The following VPS13D variants were observed in gnomAD, a reference collection of about 807,000 sequenced individuals.
VPS13D encodes the protein vacuolar protein sorting 13 homolog D.
A neutral mutation model predicts 461.9 loss-of-function variants in VPS13D; 187 were observed. That is an observed-to-expected ratio of 0.40 (90% CI 0.36 to 0.46). VPS13D has a LOEUF of 0.46. VPS13D is among the 20% of genes least tolerant of loss of function. VPS13D has a pLI of 0.60. For missense variants in VPS13D, 4,711 were observed against 5,364.9 expected (o/e 0.88, Z 3.81); for synonymous variants, 1,951 against 1,986.3 (o/e 0.98, Z 0.47).
chr1:12,289,014 G>A (rs1381930992), intron 22 of VPS13D, among the ~76,000 whole-genome samples: 2 of 152,054 alleles, frequency 1.3e-5, no homozygotes, highest in Non-Finnish European at 2.9e-5. Context: ...ACTAATTTTT[G>A]TATTTTTGGT....
chr1:12,400,203 C>T lies in VPS13D; in HGVS notation c.11657C>T (p.Thr3886Ile). The change falls in exon 61 of 70, where the codon ACC (threonine) becomes ATC (isoleucine). Residue 3886 changes from threonine to isoleucine, a missense_variant. Physicochemically the swap from Thr to Ile is moderately conservative, Grantham distance 89 (BLOSUM62 -1). Transcript: ENST00000620676. ...DVQVDNQLIG[T>I]TQPFMLYVTP... ...TAGGTGGACAATCAGCTCATTGGTA[C>T]CACGCAGCCCTTCATGCTCTATGTG... 1 of 1,614,004 alleles carries T rather than the reference C, an allele frequency of 6.2e-7. No homozygotes were observed. Among genetic ancestry groups the T allele is most frequent in the Non-Finnish European group, 8.5e-7 (1 of 1,180,002 alleles).
chr1:12,253,110 A>G (rs188347250), intron 6 of VPS13D, among the ~76,000 whole-genome samples: 1 of 151,614 alleles, frequency 6.6e-6, no homozygotes, highest in East Asian at 1.9e-4. Flanking sequence ...GTGAGCCGAG[A>G]TCGTGCCGTT....
At chr1:12,435,864 G>C (rs1645053914) in intron 65 of VPS13D, among the ~76,000 whole-genome samples, 1 of 152,130 alleles carries the variant, frequency 6.6e-6, no homozygotes, top group African/African-American at 2.4e-5. Context: ...CTCTTTTGTA[G>C]ATGCTGTACC....
intron 68 of VPS13D, among the ~76,000 whole-genome samples, chr1:12,498,747 G>A (rs1645994632): frequency 6.6e-6 from 1 of 152,112 alleles, no homozygotes; most frequent in Non-Finnish European, 1.5e-5. Context: ...GCTGCTGCTG[G>A]GGGTTCTCTT....
At chr1:12,417,634 T>C (rs1390288583) in intron 65 of VPS13D, among the ~76,000 whole-genome samples, 1 of 152,180 alleles carries the variant, frequency 6.6e-6, no homozygotes, top group Non-Finnish European at 1.5e-5. Flanking sequence ...CACAGGGTGA[T>C]ATGACATAAA....
intron 67 of VPS13D, among the ~76,000 whole-genome samples, chr1:12,464,734 G>A (rs1326506921): frequency 6.6e-6 from 1 of 152,094 alleles, no homozygotes; most frequent in African/African-American, 2.4e-5. Flanking sequence ...GAAGAGGGCG[G>A]AGGACTGCAG....
chr1:12,409,195 G>T (rs1003150083), intron 63 of VPS13D, among the ~76,000 whole-genome samples: 1 of 151,920 alleles, frequency 6.6e-6, no homozygotes, highest in Non-Finnish European at 1.5e-5. Flanking sequence ...AAAACTACAT[G>T]TTCAGAGAAA....
Position 12,343,007 on chromosome 1 carries a change from A to G in VPS13D, c.8841A>G (p.Glu2947=). The G allele has an allele frequency of 6.2e-7, 1 of 1,613,690 alleles. No homozygotes were observed. Among genetic ancestry groups the G allele is most frequent in the Non-Finnish European group, 8.5e-7 (1 of 1,179,646 alleles). The change falls in exon 42 of 70, where the codon GAA becomes GAG. Residue 2947 remains glutamate, a synonymous_variant. Transcript: ENST00000620676. The part of the protein sequence containing the change: ...VSEWREVLTG[E]EIPFEFEARG... Reference sequence around the variant, plus strand: ...AATGGCGAGAAGTCCTTACAGGTGAAGAGATTCCCTTTGAATTTGAAGCAA... The same window carrying G: ...AATGGCGAGAAGTCCTTACAGGTGAGGAGATTCCCTTTGAATTTGAAGCAA...
At chr1:12,408,874 T>C (rs1011882676) in intron 63 of VPS13D, among the ~76,000 whole-genome samples, 1 of 152,210 alleles carries the variant, frequency 6.6e-6, no homozygotes, top group African/African-American at 2.4e-5. Flanking sequence ...TGCCTATTTC[T>C]GTTTTCGTTT....
At position 12,308,531 on chromosome 1, in the gene VPS13D, G is replaced by A; in HGVS notation, c.6540G>A (p.Glu2180=). The A allele has an allele frequency of 6.2e-7, 1 of 1,614,098 alleles. No homozygotes were observed. The highest frequency in any genetic ancestry group is 1.1e-5 in the South Asian group (1 of 91,082). The change falls in exon 27 of 70, where the codon GAG becomes GAA. Residue 2180 remains glutamate (E), a synonymous_variant. Coordinates refer to ENST00000620676, the MANE Select transcript of VPS13D (RefSeq NM_015378.4). The stretch of plus-strand genomic sequence containing the variant: ...CGAGAGAATACTCGAAGGCACCAGA[G>A]GATAGTAGTGGAGATCTGATCTTCC... ...RHPREYSKAP[E]DSSGDLIFPS...
chr1:12,403,098 A>T (rs1396266936), intron 62 of VPS13D, among the ~76,000 whole-genome samples: 1 of 152,224 alleles, frequency 6.6e-6, no homozygotes, highest in Non-Finnish European at 1.5e-5. Flanking sequence ...AATGTGTTTG[A>T]TAAGTAGGTA....
rs574734524 is a variant in VPS13D, at chr1:12,495,770, C to T, written c.12663-1730C>T. ...TTTGGGCTTCTACCATGTAGCCTGACAGAGAGGTCAGCAGGACTGCCCTGG... is the reference window on the plus strand; with the variant it reads ...TTTGGGCTTCTACCATGTAGCCTGATAGAGAGGTCAGCAGGACTGCCCTGG... On this transcript the variant is annotated intron_variant, in intron 67 of 69. Coordinates refer to ENST00000620676, the MANE Select transcript of VPS13D (RefSeq NM_015378.4). This position sits in a 1 kb window ranked among gnomAD's most constrained non-coding sequence, Gnocchi z 4.0. Among the ~76,000 whole-genome samples the T allele has an allele frequency of 2.6e-5, 4 of 152,310 alleles. No homozygotes were observed. In the East Asian group the frequency reaches 7.7e-4, roughly 29 times the overall value.
At chr1:12,478,090 C>CTATA (rs1446769319) in intron 67 of VPS13D, among the ~76,000 whole-genome samples, 2 of 152,214 alleles carry the variant, frequency 1.3e-5, no homozygotes, top group Non-Finnish European at 2.9e-5. Flanking sequence ...AGCTCGGGGC[C>CTATA]TATATATAGG....
At chr1:12,449,651 C>T (rs910123102) in intron 65 of VPS13D, among the ~76,000 whole-genome samples, 2 of 152,128 alleles carry the variant, frequency 1.3e-5, no homozygotes, top group South Asian at 4.1e-4. Context: ...TGAAGACTTT[C>T]GTTTTGAAGT....
rs368756143 is a variant in VPS13D at position 12,255,884 on chromosome 1, G to A, written c.670-449G>A. Reference sequence around the variant, plus strand: ...CCAGCCTGGCAACAGAGCAAGACTCGTCTCAAAAAAAAAAAAAAAGAAAGA... The same window carrying A: ...CCAGCCTGGCAACAGAGCAAGACTCATCTCAAAAAAAAAAAAAAAGAAAGA... On this transcript the variant is annotated intron_variant, in intron 7 of 69. Transcript: ENST00000620676. 7.9e-3 allele frequency among the ~76,000 whole-genome samples: 1,079 copies of A among 136,364 alleles called. 9 individuals carry two copies. Among genetic ancestry groups the A allele is most frequent in the African/African-American group, 0.028 (1,029 of 36,678 alleles). 89.5% of individuals were successfully genotyped at this position (136,364 alleles called of 152,430 possible).
intron 65 of VPS13D, among the ~76,000 whole-genome samples, chr1:12,420,672 G>A (rs1397108380): frequency 2.0e-5 from 3 of 152,162 alleles, no homozygotes; most frequent in Admixed American, 1.3e-4. Context: ...ATAGACATAC[G>A]TTTGTACATT....
In VPS13D at chr1:12,377,044, T is replaced by C. The variant is rs916551283; in HGVS notation, c.10918-1384T>C. On this transcript the variant is annotated intron_variant, in intron 55 of 69. Transcript: ENST00000620676. Reference sequence around the variant, plus strand: ...TGGATTGTTTGCAGCAGTAAATGAGTTTTTTTCTTTTTTTCTTTCTTTTTT... The same window carrying C: ...TGGATTGTTTGCAGCAGTAAATGAGCTTTTTTCTTTTTTTCTTTCTTTTTT... 5.9e-5 allele frequency among the ~76,000 whole-genome samples: 9 copies of C among 151,956 alleles called. No individual in the cohort carries two copies. The East Asian group carries it at 9.7e-4, about 16-fold the overall frequency.
intron 52 of VPS13D, among the ~76,000 whole-genome samples, chr1:12,364,430 A>G (rs1644000139): frequency 6.6e-6 from 1 of 152,226 alleles, no homozygotes; most frequent in African/African-American, 2.4e-5. Context: ...TTTGGCTATC[A>G]TGAACTGCTG....
At chr1:12,403,274 T>G (rs1254142212) in intron 62 of VPS13D, among the ~76,000 whole-genome samples, 1 of 152,254 alleles carries the variant, frequency 6.6e-6, no homozygotes, top group Non-Finnish European at 1.5e-5. Context: ...GTAAAAAATC[T>G]GCCTTGATTG....
Sources: gnomAD v4.1 joint callset for allele counts (sites outside exome capture counted in the v4.1 genomes callset) on GRCh38, gnomAD v4.1.1 for gene constraint, Gnocchi (gnomAD v3.1) non-coding constraint, MANE v1.5 for transcripts, NCBI Gene and HGNC (gene_info 2026-07-23, HGNC 2026-07-21) for gene names.